PSMA7: variants seen among roughly 807,000 people sequenced by gnomAD.
PSMA7 encodes the protein proteasome subunit alpha type-7.
Under a neutral mutation model 31.3 loss-of-function variants are expected in PSMA7, and 5 were observed. That is an observed-to-expected ratio of 0.16 (90% CI 0.08 to 0.34). The LOEUF is 0.34. Among genes scored for constraint, PSMA7 ranks in the 10% least tolerant of loss-of-function variants. PSMA7 has a pLI of 1.00. For missense variants in PSMA7, 217 were observed against 327.5 expected, an observed-to-expected ratio of 0.66 and a Z score of 2.60; for synonymous variants, 155 against 121.9, an observed-to-expected ratio of 1.27 and a Z score of -1.79.
At chr20:62,137,450 C>T in intron 5 of PSMA7, 24 bp from the exon 6 acceptor site, 1 of 1,611,156 alleles carries the variant, frequency 6.2e-7, no homozygotes, top group Non-Finnish European at 8.5e-7. Context: ...AAGACAGGAG[C>T]ATTAACCACC....
rs566074513 is a variant in PSMA7, at chr20:62,138,303, C to T, written c.472-13G>A. On this transcript the variant is annotated splice_polypyrimidine_tract_variant and intron_variant, in intron 4 of 6. Coordinates refer to ENST00000370873, the MANE Select transcript of PSMA7 (RefSeq NM_002792.4). ...CTATGGCATTGGCCTAAAACAGACA[C>T]GTATGTTCTCACGTGGCATAGGGCA... The T allele has an allele frequency of 1.6e-5, 25 of 1,593,452 alleles. No homozygotes were observed. The highest frequency in any genetic ancestry group is 5.1e-5 in the Admixed American group (3 of 58,628).
chr20:62,141,070 G>C (rs2056924788), intron 1 of PSMA7, 126 bp from the exon 2 acceptor site: 1 of 1,185,618 alleles, frequency 8.4e-7, no homozygotes, highest in Non-Finnish European at 1.2e-6. Flanking sequence ...AAGAGTTCAA[G>C]ACCAGCCGGA....
chr20:62,142,673 C>G (rs1047170775), intron 1 of PSMA7: 1 of 152,340 alleles, frequency 6.6e-6, no homozygotes, highest in African/African-American at 2.4e-5. Context: ...GCCAGGCCAG[C>G]GAGCCGCTTT....
rs1036349136 is a variant in PSMA7 at position 62,139,400 on chromosome 20, A to T, written c.349-203T>A. 1.4e-5 allele frequency: 10 copies of T among 703,230 alleles called. No homozygotes were observed. The South Asian group carries it at 2.0e-4, about 14-fold the overall frequency. 43.6% of individuals were successfully genotyped at this position (703,230 alleles called of 1,614,324 possible). On this transcript the variant is annotated intron_variant, in intron 3 of 6. Coordinates refer to ENST00000370873, the MANE Select transcript of PSMA7 (RefSeq NM_002792.4). The stretch of plus-strand genomic sequence containing the variant: ...CCTAGAAAAACTCACCTAGGACCAG[A>T]ATTGTGAACTCAGGTTACTGGAAAT...
At chr20:62,138,904 G>T (rs2056910864) in intron 4 of PSMA7, among the ~76,000 whole-genome samples, 171 bp downstream of exon 4, 1 of 152,180 alleles carries the variant, frequency 6.6e-6, no homozygotes, top group African/African-American at 2.4e-5. Flanking sequence ...GCTGCCCTTT[G>T]ATTTTCTTCC....
chr20:62,137,551 C>T, intron 5 of PSMA7, 125 bp from the exon 6 acceptor site: 4 of 874,862 alleles, frequency 4.6e-6, no homozygotes, highest in Middle Eastern at 4.5e-4. Flanking sequence ...GAGGTCCCAG[C>T]CCCCAAAACC....
intron 6 of PSMA7, 90 bp downstream of exon 6, chr20:62,137,274 C>G: frequency 1.5e-6 from 2 of 1,312,060 alleles, no homozygotes; most frequent in South Asian, 1.2e-5. Flanking sequence ...CAGAATGGCC[C>G]TATGATGTTT....
At position 62,141,007 on chromosome 20, in the gene PSMA7, G is replaced by A. The variant is rs564564683; in HGVS notation, c.97-63C>T. ...ATGAGTGCTGGGTGCAGTGGCTCAT[G>A]CCTGTTAATTCCAGCACTTTGGGAG... On this transcript the variant is annotated intron_variant, in intron 1 of 6. Coordinates refer to ENST00000370873, the MANE Select transcript of PSMA7 (RefSeq NM_002792.4). The A allele has an allele frequency of 6.9e-5, 110 of 1,592,134 alleles. 1 individual carries two copies. The South Asian group carries it at 1.1e-3, about 17-fold the overall frequency.
intron 1 of PSMA7, 84 bp downstream of exon 1, chr20:62,143,124 C>T: frequency 1.1e-6 from 1 of 904,116 alleles, no homozygotes; most frequent in Non-Finnish European, 1.3e-6. Flanking sequence ...GCCCACAGCG[C>T]CGCGCCCGGC....
Position 62,140,857 on chromosome 20 carries a change from T to A in PSMA7, c.184A>T (p.Ile62Phe), listed in dbSNP as rs995818038. The A allele has an allele frequency of 1.2e-6, 2 of 1,614,082 alleles. No homozygotes were observed. The highest frequency in any genetic ancestry group is 1.7e-6 in the Non-Finnish European group (2 of 1,180,024). The change falls in exon 2 of 7, where the codon ATC becomes TTC. Residue 62 changes from isoleucine (I) to phenylalanine (F), a missense_variant. Coordinates refer to ENST00000370873, the MANE Select transcript of PSMA7 (RefSeq NM_002792.4). ...KLQDERTVRK[I>F]CALDDNVCMA... ...CAGACGTTGTCATCCAAAGCACAGA[T>A]CTTCCGCACTGTTCTTTCATCCTGC...
rs1028681722 is a variant in PSMA7 at position 62,136,753 on chromosome 20, T to C, written c.*104A>G. ...ACAGGTTAAAAATACGGAAGTTTAT[T>C]GTAGGACACTCAGTGTGAATAAATG... On this transcript the variant is annotated 3_prime_UTR_variant, in exon 7 of 7. Transcript: ENST00000370873. The C allele has an allele frequency of 3.4e-6, 5 of 1,452,412 alleles. No individual in the cohort carries two copies. The highest frequency in any genetic ancestry group is 4.6e-6 in the Non-Finnish European group (5 of 1,095,282). The allele number at this position is 1,452,412 out of a possible 1,614,324, so 90.0% of individuals were successfully genotyped here. A position where few individuals can be genotyped will look rare whatever the true frequency, so the allele number is the denominator to read the frequency against.
Position 62,139,083 on chromosome 20 carries a change from C to T in PSMA7, c.463G>A (p.Ala155Thr), listed in dbSNP as rs2056911901. ...YQTDPSGTYH[A>T]WKANAIGRGA... Reference sequence around the variant, plus strand: ...CTTTGTCACGAACTCACCTTCCAGGCATGGTATGTGCCCGAGGGGTCAGTC... The same window carrying T: ...CTTTGTCACGAACTCACCTTCCAGGTATGGTATGTGCCCGAGGGGTCAGTC... The change falls in exon 4 of 7, where the codon GCC (alanine) becomes ACC (threonine). Residue 155 changes from alanine (A) to threonine (T), a missense_variant. Ala to Thr is a moderately conservative substitution (Grantham distance 58, BLOSUM62 0). Coordinates refer to ENST00000370873, the MANE Select transcript of PSMA7 (RefSeq NM_002792.4). The T allele has an allele frequency of 1.2e-6, 2 of 1,613,808 alleles. No individual in the cohort carries two copies. The highest frequency in any genetic ancestry group is 1.7e-6 in the Non-Finnish European group (2 of 1,179,904).
Position 62,139,869 on chromosome 20 carries a change from G to C in PSMA7, c.260C>G (p.Ala87Gly). The part of the protein sequence containing the change: ...TADARIVINR[A>G]RVECQSHRLT... ...CCGGTGGCTCTGGCACTCCACCCGGGCCCTGTTGATGACTATCCTTGCATC... is the reference window on the plus strand; with the variant it reads ...CCGGTGGCTCTGGCACTCCACCCGGCCCCTGTTGATGACTATCCTTGCATC... The change falls in exon 3 of 7, where the codon GCC becomes GGC. Residue 87 changes from alanine to glycine, a missense_variant. Physicochemically the swap from Ala to Gly is moderately conservative, Grantham distance 60. Around this residue, in one of 3 missense-constraint regions of PSMA7, gnomAD observed 53 missense variants for 119.4 expected, o/e 0.44. Coordinates refer to ENST00000370873, the MANE Select transcript of PSMA7 (RefSeq NM_002792.4). 1 of 1,614,012 alleles carries C rather than the reference G, an allele frequency of 6.2e-7. No individual in the cohort carries two copies.
At chr20:62,137,762 C>T (rs1012576776) in intron 5 of PSMA7, among the ~76,000 whole-genome samples, 12 of 152,198 alleles carry the variant, frequency 7.9e-5, no homozygotes, top group Non-Finnish European at 1.5e-4. Flanking sequence ...TCTGGTTTTA[C>T]CTGCTAGCAC....
intron 2 of PSMA7, 97 bp downstream of exon 2, chr20:62,140,721 A>G (rs1434505085): frequency 7.0e-6 from 10 of 1,420,876 alleles, no homozygotes; most frequent in African/African-American, 5.7e-5. Context: ...CTCAGTTTAT[A>G]TGGCTCACAA....
chr20:62,143,344 A>T lies in PSMA7; in HGVS notation c.-41T>A. The T allele has an allele frequency of 7.8e-7, 1 of 1,282,428 alleles. No homozygotes were observed. Among genetic ancestry groups the T allele is most frequent in the Non-Finnish European group, 1.0e-6 (1 of 978,846 alleles). 79.4% of individuals were successfully genotyped at this position (1,282,428 alleles called of 1,614,324 possible). A position where few individuals can be genotyped will look rare whatever the true frequency, so the allele number is the denominator to read the frequency against. On this transcript the variant is annotated 5_prime_UTR_variant, in exon 1 of 7. Transcript: ENST00000370873. ...CCGGGCTCCTTCCGCCGCGACTCTCAAAAGCGCACACTCACGGCCCGCGCG... is the reference window on the plus strand; with the variant it reads ...CCGGGCTCCTTCCGCCGCGACTCTCTAAAGCGCACACTCACGGCCCGCGCG...
At chr20:62,139,352 A>T (rs1357209703) in intron 3 of PSMA7, 155 bp from the exon 4 acceptor site, 8 of 985,740 alleles carry the variant, frequency 8.1e-6, no homozygotes, top group African/African-American at 3.3e-5. Flanking sequence ...ATAGCTTTCA[A>T]CATCCTTTTC....
In PSMA7 at chr20:62,138,304, G is replaced by T; in HGVS notation, c.472-14C>A. ...TATGGCATTGGCCTAAAACAGACAC[G>T]TATGTTCTCACGTGGCATAGGGCAT... On this transcript the variant is annotated splice_polypyrimidine_tract_variant and intron_variant, in intron 4 of 6. Coordinates refer to ENST00000370873, the MANE Select transcript of PSMA7 (RefSeq NM_002792.4). 1 of 1,593,422 alleles carries T rather than the reference G, an allele frequency of 6.3e-7. No individual in the cohort carries two copies. Among genetic ancestry groups the T allele is most frequent in the Non-Finnish European group, 8.6e-7 (1 of 1,168,146 alleles).
At chr20:62,139,229 C>A in intron 3 of PSMA7, 32 bp from the exon 4 acceptor site, 1 of 1,600,320 alleles carries the variant, frequency 6.2e-7, no homozygotes, top group African/African-American at 1.3e-5. Context: ...CAGTGCCATC[C>A]AATTAAGAAA....
Sources: gnomAD v4.1 joint callset for allele counts (sites outside exome capture counted in the v4.1 genomes callset) on GRCh38, gnomAD v4.1.1 for gene constraint, gnomAD v4.1.1 regional missense constraint, MANE v1.5 for transcripts, NCBI Gene and HGNC (gene_info 2026-07-23, HGNC 2026-07-21) for gene names.